The following DDRGK1 variants were observed in gnomAD, a reference collection of about 807,000 sequenced individuals.
The protein encoded by DDRGK1 is DDRGK domain-containing protein 1.
A neutral mutation model predicts 45.8 loss-of-function variants in DDRGK1; 38 were observed. The observed-to-expected ratio is 0.83, with a 90% CI of 0.64 to 1.09. DDRGK1 has a LOEUF of 1.09. DDRGK1 is among the 50% of genes least tolerant of loss of function. The pLI, the probability that DDRGK1 is intolerant of heterozygous loss-of-function variation, is 0.00. For missense variants in DDRGK1, 403 were observed against 419.9 expected, an observed-to-expected ratio of 0.96 and a Z score of 0.35; for synonymous variants, 171 against 168.7, an observed-to-expected ratio of 1.01 and a Z score of -0.11.
At chr20:3,193,165 G>A (rs1390254670) in intron 6 of DDRGK1, among the ~76,000 whole-genome samples, 2 of 152,216 alleles carry the variant, frequency 1.3e-5, no homozygotes, top group Non-Finnish European at 2.9e-5. Context: ...GGTCAGACAG[G>A]AGAATGGAAC....
rs766798739 is a variant in DDRGK1 at position 3,190,659 on chromosome 20, T to C, written c.939A>G (p.Pro313=). The C allele has an allele frequency of 5.6e-6, 9 of 1,613,600 alleles. No homozygotes were observed. In the South Asian group the frequency reaches 8.8e-5, roughly 16 times the overall value. ...CAAGAGGGAAGGACTGGGGTCAGGC[T>C]GGGGCTTGGGCAGGGGACTCCCGGC... The part of the protein sequence containing the change: ...AWGRESPAQA[P]A The change falls in exon 9 of 9, where the codon CCA becomes CCG. Residue 313 remains proline, a synonymous_variant. Transcript: ENST00000354488.
At position 3,190,389 on chromosome 20, in the gene DDRGK1, A is replaced by G. The variant is rs1249018690; in HGVS notation, c.*264T>C. 2.2e-6 allele frequency: 1 copy of G among 461,318 alleles called. No individual in the cohort carries two copies. The highest frequency in any genetic ancestry group is 2.0e-5 in the African/African-American group (1 of 50,274). 28.6% of individuals were successfully genotyped at this position (461,318 alleles called of 1,614,324 possible). On this transcript the variant is annotated 3_prime_UTR_variant, in exon 9 of 9. Coordinates refer to ENST00000354488, the MANE Select transcript of DDRGK1 (RefSeq NM_023935.3). Reference sequence around the variant, plus strand: ...GCTATTTTCTTGAATGAATGGATTCATAATAAGAACAGGACTTCACCAGCT... The same window carrying G: ...GCTATTTTCTTGAATGAATGGATTCGTAATAAGAACAGGACTTCACCAGCT...
Position 3,202,439 on chromosome 20 carries a change from G to A in DDRGK1, c.295+774C>T, listed in dbSNP as rs73076867. The stretch of plus-strand genomic sequence containing the variant: ...CTCCTCACAATCGTCAGGAGTTGCT[G>A]AGGATTCTGGGCTTAGTCCCTGGCC... On this transcript the variant is annotated intron_variant, in intron 2 of 8. Coordinates refer to ENST00000354488, the MANE Select transcript of DDRGK1 (RefSeq NM_023935.3). 3.6e-3 allele frequency among the ~76,000 whole-genome samples: 541 copies of A among 152,254 alleles called. 4 individuals are homozygous for A. The highest frequency in any genetic ancestry group is 5.4e-3 in the Non-Finnish European group (367 of 68,024).
chr20:3,194,723 C>T, intron 6 of DDRGK1, 107 bp downstream of exon 6: 1 of 1,471,188 alleles, frequency 6.8e-7, no homozygotes, highest in Non-Finnish European at 9.4e-7. Flanking sequence ...CCCCTGTCCA[C>T]TCCTGCATGA....
intron 2 of DDRGK1, among the ~76,000 whole-genome samples, chr20:3,202,451 C>T (rs2067044337): frequency 6.6e-6 from 1 of 152,130 alleles, no homozygotes; most frequent in South Asian, 2.1e-4. Context: ...GGATTCTGGG[C>T]TTAGTCCCTG....
At chr20:3,191,350 C>T in intron 7 of DDRGK1, 112 bp from the exon 8 acceptor site, 2 of 1,230,600 alleles carry the variant, frequency 1.6e-6, no homozygotes, top group South Asian at 2.6e-5. Context: ...TCATGCCACG[C>T]CCAAATGTGA....
At position 3,191,792 on chromosome 20, in the gene DDRGK1, C is replaced by T. The variant is rs377565329; in HGVS notation, c.702G>A (p.Leu234=). ...GAGTGCGTAGGCCCACCTGGGAAGC[C>T]AGGTCTTCCAAGAGCACAACCTTGG... is the stretch of plus-strand genomic sequence containing the variant. ...KQSKVVLLED[L]ASQVGLRTQD... Residue 234 remains leucine, a synonymous_variant, in exon 7 of 9, where the codon CTG becomes CTA. Transcript: ENST00000354488. 2.5e-4 allele frequency: 397 copies of T among 1,608,188 alleles called. No individual in the cohort carries two copies. Among genetic ancestry groups the T allele is most frequent in the Non-Finnish European group, 3.2e-4 (373 of 1,177,418 alleles).
intron 4 of DDRGK1, among the ~76,000 whole-genome samples, chr20:3,199,036 A>T (rs2067024539): frequency 6.6e-6 from 1 of 150,760 alleles, no homozygotes; most frequent in Non-Finnish European, 1.5e-5. Context: ...AGTCCCAGCT[A>T]CTCGCAGGGA....
chr20:3,194,290 GC>G (rs1373993900), intron 6 of DDRGK1, among the ~76,000 whole-genome samples: 7 of 152,156 alleles, frequency 4.6e-5, no homozygotes, highest in African/African-American at 1.7e-4. Context: ...GAGAGAAGTT[GC>G]TTAGCAGCAA....
At position 3,203,430 on chromosome 20, in the gene DDRGK1, A is replaced by G. The variant is rs1275530726; in HGVS notation, c.92-14T>C. 4 of 1,538,042 alleles carry G rather than the reference A, an allele frequency of 2.6e-6. No individual in the cohort carries two copies. The African/African-American group carries it at 4.2e-5, about 16-fold the overall frequency. On this transcript the variant is annotated splice_polypyrimidine_tract_variant and intron_variant, in intron 1 of 8. Coordinates refer to ENST00000354488, the MANE Select transcript of DDRGK1 (RefSeq NM_023935.3). ...GCTCTTGGCCGGCTGTAGGGAAGACAGAAATGACAATGCTGCCTATAAGCC... is the reference window on the plus strand; with the variant it reads ...GCTCTTGGCCGGCTGTAGGGAAGACGGAAATGACAATGCTGCCTATAAGCC...
Position 3,204,585 on chromosome 20 carries a change from C to T in DDRGK1, c.43G>A (p.Val15Ile), listed in dbSNP as rs2067057798. ...CGAGTCAGGAAGAGGATAAAGCCGACTAGCAGAGCCGCCGCTACCAAGTAC... is the reference window on the plus strand; with the variant it reads ...CGAGTCAGGAAGAGGATAAAGCCGATTAGCAGAGCCGCCGCTACCAAGTAC... The part of the protein sequence containing the change: ...VWYLVAAALL[V>I]GFILFLTRSR... Residue 15 changes from valine (V) to isoleucine (I), a missense_variant, in exon 1 of 9, where the codon GTC (valine) becomes ATC (isoleucine). Val to Ile is a conservative substitution (Grantham distance 29). Coordinates refer to ENST00000354488, the MANE Select transcript of DDRGK1 (RefSeq NM_023935.3). 6.3e-7 allele frequency: 1 copy of T among 1,579,852 alleles called. No homozygotes were observed. Among genetic ancestry groups the T allele is most frequent in the African/African-American group, 1.3e-5 (1 of 74,534 alleles).
rs1414015876 is a variant in DDRGK1 at position 3,193,378 on chromosome 20, C to CT, written c.672+1451dup. On this transcript the variant is annotated intron_variant, in intron 6 of 8. Coordinates refer to ENST00000354488, the MANE Select transcript of DDRGK1 (RefSeq NM_023935.3). ...AGCACAGGCTGGAAAAACTTTTTTTCTTTTTTTTTTGAGACAGAGTCTCAC... is the reference window on the plus strand; with the variant it reads ...AGCACAGGCTGGAAAAACTTTTTTTCTTTTTTTTTTTGAGACAGAGTCTCAC... Among the ~76,000 whole-genome samples the CT allele has an allele frequency of 3.9e-4, 58 of 149,782 alleles. No individual in the cohort carries two copies. In the East Asian group the frequency reaches 5.3e-3, roughly 14 times the overall value.
intron 4 of DDRGK1, among the ~76,000 whole-genome samples, chr20:3,197,044 G>C (rs1345905731): frequency 6.6e-6 from 1 of 151,828 alleles, no homozygotes; most frequent in Non-Finnish European, 1.5e-5. Context: ...CCAACATGGT[G>C]AAACCTCGTC....
Position 3,191,285 on chromosome 20 carries a change from C to T in DDRGK1, c.730-47G>A, listed in dbSNP as rs11906805. On this transcript the variant is annotated intron_variant, in intron 7 of 8. Transcript: ENST00000354488. ...GAATAGAGATAGGCACCAATGTCCC[C>T]AGAAAAAGCACTGAAACCTCCCTCC... 7,166 of 1,601,694 alleles carry T rather than the reference C, an allele frequency of 4.5e-3. 272 individuals are homozygous for T. In the African/African-American group the frequency reaches 0.082, roughly 18 times the overall value.
At chr20:3,202,439 G>T (rs73076867) in intron 2 of DDRGK1, among the ~76,000 whole-genome samples, 4 of 152,136 alleles carry the variant, frequency 2.6e-5, no homozygotes, top group Non-Finnish European at 4.4e-5. Flanking sequence ...AGGAGTTGCT[G>T]AGGATTCTGG....
intron 1 of DDRGK1, among the ~76,000 whole-genome samples, chr20:3,204,170 G>A (rs565119649): frequency 2.0e-5 from 3 of 152,328 alleles, no homozygotes; most frequent in Admixed American, 1.3e-4. Context: ...TCTGGAGCCA[G>A]GCTGGGAGGA....
chr20:3,199,924 G>A, intron 4 of DDRGK1, 77 bp downstream of exon 4: 13 of 1,361,848 alleles, frequency 9.5e-6, no homozygotes, highest in Non-Finnish European at 1.2e-5. Context: ...TAGGTTGGAG[G>A]TGCCAGGGAG....
At chr20:3,200,743 C>T (rs867760627) in intron 2 of DDRGK1, among the ~76,000 whole-genome samples, 1 of 151,440 alleles carries the variant, frequency 6.6e-6, no homozygotes, top group East Asian at 1.9e-4. Context: ...TTTGGGAGGC[C>T]GAGGTGGGTG....
rs776774792 is a variant in DDRGK1, at chr20:3,190,567, T to C, written c.*86A>G. On this transcript the variant is annotated 3_prime_UTR_variant, in exon 9 of 9. Transcript: ENST00000354488. ...AATCTATAACTGCCTGGCCACACCA[T>C]CACTTCCCCAGGATGGTGGGGAGGG... 8.5e-6 allele frequency: 13 copies of C among 1,520,834 alleles called. No homozygotes were observed. The highest frequency in any genetic ancestry group is 1.2e-5 in the Non-Finnish European group (13 of 1,116,098). 94.2% of individuals were successfully genotyped at this position (1,520,834 alleles called of 1,614,324 possible). A position where few individuals can be genotyped will look rare whatever the true frequency, so the allele number is the denominator to read the frequency against.
Sources: gnomAD v4.1 joint callset for allele counts (sites outside exome capture counted in the v4.1 genomes callset) on GRCh38, gnomAD v4.1.1 for gene constraint, MANE v1.5 for transcripts, NCBI Gene and HGNC (gene_info 2026-07-23, HGNC 2026-07-21) for gene names.